Variants in ZSWIM5 observed in about 807,000 individuals in gnomAD.
ZSWIM5 encodes zinc finger SWIM domain-containing protein 5.
A neutral mutation model predicts 119.6 loss-of-function variants in ZSWIM5; 55 were observed. That is an observed-to-expected ratio of 0.46 (90% CI 0.37 to 0.58). The LOEUF (loss-of-function observed/expected upper bound fraction) is 0.58. ZSWIM5 is among the 20% of genes least tolerant of loss of function. The pLI is 0.00. For missense variants in ZSWIM5, 1,193 were observed against 1,512.8 expected (o/e 0.79, Z 3.51); for synonymous variants, 537 against 606.9 (o/e 0.88, Z 1.69).
intron 1 of ZSWIM5, among the ~76,000 whole-genome samples, chr1:45,193,417 C>T (rs1254235632): frequency 1.3e-5 from 2 of 152,068 alleles, no homozygotes; most frequent in African/African-American, 4.8e-5. Context: ...GCGCATCCTA[C>T]TATTGTGGGG....
intron 1 of ZSWIM5, among the ~76,000 whole-genome samples, chr1:45,147,130 G>A (rs1466754655): frequency 2.6e-5 from 4 of 150,984 alleles, no homozygotes; most frequent in African/African-American, 4.9e-5. Context: ...GCTGGAGTGC[G>A]GTGGTACAAT....
intron 1 of ZSWIM5, among the ~76,000 whole-genome samples, chr1:45,156,808 G>A (rs1645829582): frequency 6.6e-6 from 1 of 151,026 alleles, no homozygotes; most frequent in Admixed American, 6.6e-5. Flanking sequence ...AGATTGGAAA[G>A]GAGTAAGTAA....
intron 11 of ZSWIM5, among the ~76,000 whole-genome samples, chr1:45,023,503 T>G (rs539623425): frequency 3.2e-5 from 1 of 31,134 alleles, no homozygotes; most frequent in South Asian, 6.8e-3. Flanking sequence ...CTTCCATGTC[T>G]CTTTTTTTTT....
intron 1 of ZSWIM5, among the ~76,000 whole-genome samples, chr1:45,094,023 ATATTTATTTATT>A (rs66921356): frequency 0.041 from 5,576 of 134,374 alleles, 444 homozygotes; most frequent in East Asian, 0.37. Context: ...TTTTATTTTT[ATATTTATTTATT>A]TATTTATTTA....
intron 1 of ZSWIM5, among the ~76,000 whole-genome samples, chr1:45,130,089 G>C (rs1007272567): frequency 1.7e-4 from 26 of 152,220 alleles, no homozygotes; most frequent in African/African-American, 5.8e-4. Context: ...GTAGAGACAG[G>C]GTTTCGCCAT....
chr1:45,020,234 T>C, intron 12 of ZSWIM5, 87 bp from the exon 13 acceptor site: 5 of 1,093,254 alleles, frequency 4.6e-6, no homozygotes, highest in Non-Finnish European at 7.0e-6. Context: ...CGACAAATAT[T>C]TTCTGGTGCT....
chr1:45,023,260 T>A (rs1644899014), intron 11 of ZSWIM5, among the ~76,000 whole-genome samples: 1 of 152,194 alleles, frequency 6.6e-6, no homozygotes, highest in African/African-American at 2.4e-5. Flanking sequence ...TCCCTCTAAG[T>A]CCCTGGCAAC....
chr1:45,054,039 TG>T (rs1208962361), intron 4 of ZSWIM5, among the ~76,000 whole-genome samples: 1 of 151,952 alleles, frequency 6.6e-6, no homozygotes, highest in Non-Finnish European at 1.5e-5. Flanking sequence ...TACCAGTGCT[TG>T]GGGAGGCTGA....
chr1:45,067,690 G>A (rs966089934), intron 2 of ZSWIM5, among the ~76,000 whole-genome samples: 4 of 152,130 alleles, frequency 2.6e-5, no homozygotes, highest in African/African-American at 9.7e-5. Context: ...TCACAAACTG[G>A]CTTCTTCAGC....
chr1:45,144,495 T>C (rs346716), intron 1 of ZSWIM5, among the ~76,000 whole-genome samples: 22,879 of 152,146 alleles, frequency 0.15, 1,780 homozygotes, highest in Non-Finnish European at 0.16. Flanking sequence ...ATGATCGTGC[T>C]ACTGGACTCT....
intron 1 of ZSWIM5, among the ~76,000 whole-genome samples, chr1:45,202,315 A>C (rs1165573609): frequency 6.6e-6 from 1 of 152,074 alleles, no homozygotes; most frequent in Non-Finnish European, 1.5e-5. Context: ...AATTTCATAA[A>C]AGTTATACTA....
chr1:45,180,661 C>A (rs912659139), intron 1 of ZSWIM5, among the ~76,000 whole-genome samples: 1 of 152,172 alleles, frequency 6.6e-6, no homozygotes, highest in Non-Finnish European at 1.5e-5. Context: ...GACCCCCGAG[C>A]AGCCTAACTG....
intron 1 of ZSWIM5, among the ~76,000 whole-genome samples, chr1:45,172,421 A>G (rs953076054): frequency 6.6e-6 from 1 of 152,124 alleles, no homozygotes; most frequent in African/African-American, 2.4e-5. Context: ...TTCTTAGTGA[A>G]GTGAACTGAA....
chr1:45,058,830 G>A, intron 3 of ZSWIM5, 71 bp from the exon 4 acceptor site: 3 of 1,566,116 alleles, frequency 1.9e-6, no homozygotes, highest in Non-Finnish European at 2.6e-6. Context: ...AGGAAGTGGG[G>A]GAGGGGGAAG....
intron 1 of ZSWIM5, among the ~76,000 whole-genome samples, chr1:45,096,465 T>TGTGTGTGCAC (rs1645403178): frequency 6.8e-6 from 1 of 146,302 alleles, no homozygotes; most frequent in African/African-American, 2.5e-5. Context: ...TGTGTGTGCG[T>TGTGTGTGCAC]GTGTGTGCAT....
At chr1:45,170,151 T>G (rs1645937862) in intron 1 of ZSWIM5, among the ~76,000 whole-genome samples, 1 of 152,150 alleles carries the variant, frequency 6.6e-6, no homozygotes, top group African/African-American at 2.4e-5. Flanking sequence ...GCTAGAATAA[T>G]GTCAAGGTGG....
intron 5 of ZSWIM5, among the ~76,000 whole-genome samples, chr1:45,045,771 C>A (rs1263445565): frequency 6.6e-6 from 1 of 152,062 alleles, no homozygotes; most frequent in African/African-American, 2.4e-5. Flanking sequence ...TTAGGACATA[C>A]AAAGTTCCTG....
At chr1:45,179,915 T>C (rs943161831) in intron 1 of ZSWIM5, among the ~76,000 whole-genome samples, 1 of 151,420 alleles carries the variant, frequency 6.6e-6, no homozygotes, top group African/African-American at 2.4e-5. Flanking sequence ...AATGTGACAA[T>C]GGAAGCAGAG....
chr1:45,037,580 A>G (rs1262005985), intron 8 of ZSWIM5, among the ~76,000 whole-genome samples: 1 of 152,214 alleles, frequency 6.6e-6, no homozygotes, highest in African/African-American at 2.4e-5. Flanking sequence ...AGGTATTGCT[A>G]TGTGTTAGTG....
Sources: gnomAD v4.1 joint callset for allele counts (sites outside exome capture counted in the v4.1 genomes callset) on GRCh38, gnomAD v4.1.1 for gene constraint, MANE v1.5 for transcripts, NCBI Gene and HGNC (gene_info 2026-07-23, HGNC 2026-07-21) for gene names.